Variants in FGD4 observed in about 807,000 individuals in gnomAD.
FGD4 encodes FYVE, RhoGEF and PH domain-containing protein 4.
In FGD4, 42 loss-of-function variants were observed where a neutral mutation model predicts 102.0. The ratio of observed to expected loss-of-function variants is 0.41; its 90% CI spans 0.32 to 0.53. The LOEUF (loss-of-function observed/expected upper bound fraction) is 0.53, where lower values mean the gene tolerates loss of function less well. Among genes scored for constraint, FGD4 ranks in the 20% least tolerant of loss-of-function variants. FGD4 has a pLI of 0.21. For synonymous variants in FGD4, 380 were observed against 375.7 expected (o/e 1.01, Z -0.13); for missense variants, 902 against 1,078.2 (o/e 0.84, Z 2.29).
Position 32,602,177 on chromosome 12 carries a change from A to G in FGD4, c.1264A>G (p.Ile422Val). The G allele has an allele frequency of 2.5e-6, 4 of 1,614,118 alleles. No homozygotes were observed. Among genetic ancestry groups the G allele is most frequent in the Non-Finnish European group, 3.4e-6 (4 of 1,180,010 alleles). The change falls in exon 7 of 17, where the codon ATT becomes GTT. Residue 422 changes from isoleucine (I) to valine (V), a missense_variant. Ile to Val is a conservative substitution (Grantham distance 29). Transcript: ENST00000534526. ...TTGATACAGGGAAACTACTCCTAGA[A>G]TTGGAGACATCCTTCAGAAATTGGC... Reference protein sequence around the residue: ...RMQEWETTPRIGDILQKLAPF... With the variant: ...RMQEWETTPRVGDILQKLAPF...
chr12:32,407,935 T>C (rs1941013465), intron 1 of FGD4, among the ~76,000 whole-genome samples: 1 of 151,606 alleles, frequency 6.6e-6, no homozygotes, highest in African/African-American at 2.4e-5. Context: ...TATAGGCTAT[T>C]TTTTCCCCTC....
intron 1 of FGD4, among the ~76,000 whole-genome samples, chr12:32,500,818 T>C (rs1005913978): frequency 6.6e-6 from 1 of 152,204 alleles, no homozygotes; most frequent in Non-Finnish European, 1.5e-5. Context: ...TCTGGATTCT[T>C]AGGTACTTCT....
At chr12:32,465,102 A>G (rs1376951341) in intron 1 of FGD4, among the ~76,000 whole-genome samples, 1 of 152,166 alleles carries the variant, frequency 6.6e-6, no homozygotes, top group Admixed American at 6.5e-5. Context: ...TAAAAAATGC[A>G]GTTGACTTTT....
chr12:32,481,127 C>CAAAAA (rs1157108520), intron 1 of FGD4, among the ~76,000 whole-genome samples: 766 of 27,350 alleles, frequency 0.028, 240 homozygotes, highest in Non-Finnish European at 0.035. Flanking sequence ...GACTCCGTCT[C>CAAAAA]AAAAAAAAAA....
chr12:32,638,686 T>C lies in FGD4; in HGVS notation c.2345T>C (p.Val782Ala), dbSNP rs1296247975. 6.2e-7 allele frequency: 1 copy of C among 1,614,168 alleles called. No homozygotes were observed. ...IESAEVSGNSVVCSFLQYMEK... is the reference protein window; with the variant it reads ...IESAEVSGNSAVCSFLQYMEK... Reference sequence around the variant, plus strand: ...TCAGCAGAAGTATCTGGAAACAGTGTGGTGTGCAGCTTTCTTCAGTATATG... The same window carrying C: ...TCAGCAGAAGTATCTGGAAACAGTGCGGTGTGCAGCTTTCTTCAGTATATG... The change falls in exon 16 of 17, where the codon GTG becomes GCG. Residue 782 changes from valine to alanine, a missense_variant. Transcript: ENST00000534526.
chr12:32,448,725 G>A (rs1237218517), intron 1 of FGD4, among the ~76,000 whole-genome samples: 1 of 151,924 alleles, frequency 6.6e-6, no homozygotes, highest in African/African-American at 2.4e-5. Context: ...GTTTAGCAGG[G>A]GGAAGGAAAG....
chr12:32,448,806 A>G (rs1286043880), intron 1 of FGD4, among the ~76,000 whole-genome samples: 1 of 152,106 alleles, frequency 6.6e-6, no homozygotes, highest in East Asian at 1.9e-4. Flanking sequence ...AGTATAGGAG[A>G]GGATGTGTGG....
chr12:32,454,813 C>T (rs1434586336), intron 1 of FGD4, among the ~76,000 whole-genome samples: 1 of 152,094 alleles, frequency 6.6e-6, no homozygotes, highest in African/African-American at 2.4e-5. Context: ...TTTTAAGTTG[C>T]CTTTTTTCAT....
intron 1 of FGD4, chr12:32,502,400 A>C: frequency 1.1e-5 from 10 of 942,384 alleles, no homozygotes; most frequent in East Asian, 1.2e-4. Context: ...CATTATCTCC[A>C]TGTGGTCCAA....
intron 10 of FGD4, among the ~76,000 whole-genome samples, chr12:32,614,616 A>G (rs1309152420): frequency 6.6e-6 from 1 of 152,232 alleles, no homozygotes; most frequent in African/African-American, 2.4e-5. Context: ...TATTCTCATC[A>G]AACAAGGGCA....
chr12:32,410,412 G>A (rs190957017), intron 1 of FGD4, among the ~76,000 whole-genome samples: 18 of 152,104 alleles, frequency 1.2e-4, no homozygotes, highest in Non-Finnish European at 2.6e-4. Context: ...CCCAAAGGGC[G>A]AGGCTGAGGC....
At chr12:32,444,813 A>G (rs1217141547) in intron 1 of FGD4, among the ~76,000 whole-genome samples, 1 of 152,232 alleles carries the variant, frequency 6.6e-6, no homozygotes, top group Admixed American at 6.5e-5. Flanking sequence ...TTCAGAATTC[A>G]GCAGAAAGAT....
intron 1 of FGD4, among the ~76,000 whole-genome samples, chr12:32,520,727 C>T (rs1315429958): frequency 6.6e-6 from 1 of 152,048 alleles, no homozygotes; most frequent in African/African-American, 2.4e-5. Flanking sequence ...TGAGCCACCG[C>T]GCCTGGCCTA....
At chr12:32,527,230 G>C (rs981771047) in intron 1 of FGD4, among the ~76,000 whole-genome samples, 4 of 152,170 alleles carry the variant, frequency 2.6e-5, no homozygotes, top group African/African-American at 9.7e-5. Context: ...AATTATGATA[G>C]AGTTAAACTG....
At chr12:32,469,026 A>C (rs949514175) in intron 1 of FGD4, among the ~76,000 whole-genome samples, 1 of 151,886 alleles carries the variant, frequency 6.6e-6, no homozygotes, top group African/African-American at 2.4e-5. Flanking sequence ...GGGTTTCACC[A>C]TGTTGGCCAG....
chr12:32,637,280 C>T (rs1184020888), intron 15 of FGD4, among the ~76,000 whole-genome samples: 1 of 151,948 alleles, frequency 6.6e-6, no homozygotes, highest in Non-Finnish European at 1.5e-5. Flanking sequence ...TAAAGACATA[C>T]CCAAGACTGG....
chr12:32,619,787 G>A lies in FGD4; in HGVS notation c.1839G>A (p.Met613Ile), dbSNP rs777703867. Residue 613 changes from methionine (M) to isoleucine (I), a missense_variant, in exon 11 of 17, where the codon ATG becomes ATA. Around this residue, in one of 2 missense-constraint regions of FGD4, gnomAD observed 459 missense variants for 619.0 expected, o/e 0.74. Coordinates refer to ENST00000534526, the MANE Select transcript of FGD4 (RefSeq NM_001370298.3). ...TVRTRVGIDG[M>I]KIVETQNEEY... ...GAACCAGGGTTGGCATTGATGGAAT[G>A]AAAATTGTAGAGACTCAAAATGAAG... 6.2e-7 allele frequency: 1 copy of A among 1,614,154 alleles called. No homozygotes were observed.
chr12:32,601,144 A>G, intron 5 of FGD4, 134 bp from the exon 6 acceptor site: 1 of 858,102 alleles, frequency 1.2e-6, no homozygotes, highest in Non-Finnish European at 1.8e-6. Flanking sequence ...CCTAAATTTC[A>G]AAGGATTCTC....
intron 9 of FGD4, 142 bp from the exon 10 acceptor site, chr12:32,610,995 C>G: frequency 8.0e-7 from 1 of 1,256,208 alleles, no homozygotes; most frequent in South Asian, 1.3e-5. Flanking sequence ...TCTGAACTTG[C>G]TAATAAGTGA....
Sources: gnomAD v4.1 joint callset for allele counts (sites outside exome capture counted in the v4.1 genomes callset) on GRCh38, gnomAD v4.1.1 for gene constraint, gnomAD v4.1.1 regional missense constraint, MANE v1.5 for transcripts, NCBI Gene and HGNC (gene_info 2026-07-23, HGNC 2026-07-21) for gene names.